The following SYNJ2 variants were observed in gnomAD, a reference collection of about 807,000 sequenced individuals.
SYNJ2 encodes the protein synaptojanin 2.
Under a neutral mutation model 141.3 loss-of-function variants are expected in SYNJ2, and 116 were observed. That is an observed-to-expected ratio of 0.82 (90% CI 0.71 to 0.96). SYNJ2 has a LOEUF of 0.96. SYNJ2 is among the 40% of genes least tolerant of loss of function. SYNJ2 has a pLI of 0.00. For missense variants in SYNJ2, 1,873 were observed against 1,934.8 expected, an observed-to-expected ratio of 0.97 and a Z score of 0.60; for synonymous variants, 745 against 777.7, an observed-to-expected ratio of 0.96 and a Z score of 0.70.
chr6:158,079,783 C>A (rs1782557617), intron 18 of SYNJ2, among the ~76,000 whole-genome samples: 1 of 152,074 alleles, frequency 6.6e-6, no homozygotes, highest in African/African-American at 2.4e-5. Context: ...TATTTTGAAA[C>A]CTTAATTTAA....
chr6:157,987,954 C>T (rs563366115), intron 1 of SYNJ2, among the ~76,000 whole-genome samples: 3 of 152,200 alleles, frequency 2.0e-5, no homozygotes, highest in Non-Finnish European at 4.4e-5. Context: ...CTGGTGAGCT[C>T]GGGAGGACAA....
rs183277758 is a variant in SYNJ2 at position 158,049,894 on chromosome 6, G to A, written c.796-5073G>A. Among the ~76,000 whole-genome samples the A allele has an allele frequency of 2.8e-3, 432 of 151,782 alleles. 8 individuals are homozygous for A. The highest frequency in any genetic ancestry group is 9.6e-4 in the Non-Finnish European group (65 of 67,872). ...GACATGGCTCTGCAGGTATGCCTGCGGCTCTGCAGGTATGCATGTGGCTCT... is the reference window on the plus strand; with the variant it reads ...GACATGGCTCTGCAGGTATGCCTGCAGCTCTGCAGGTATGCATGTGGCTCT... On this transcript the variant is annotated intron_variant, in intron 5 of 26. Coordinates refer to ENST00000355585, the MANE Select transcript of SYNJ2 (RefSeq NM_003898.4).
intron 21 of SYNJ2, 108 bp from the exon 22 acceptor site, chr6:158,083,893 G>A: frequency 7.7e-7 from 1 of 1,304,870 alleles, no homozygotes. Context: ...GAGCTGCAGG[G>A]CAGGGTGCAC....
At chr6:158,005,313 G>A (rs1481372352) in intron 1 of SYNJ2, among the ~76,000 whole-genome samples, 10 of 152,050 alleles carry the variant, frequency 6.6e-5, no homozygotes, top group East Asian at 1.9e-4. Flanking sequence ...TCCTGACCTC[G>A]TGATCCACCC....
intron 1 of SYNJ2, among the ~76,000 whole-genome samples, chr6:157,988,762 A>G (rs533473615): frequency 6.6e-6 from 1 of 152,342 alleles, no homozygotes; most frequent in East Asian, 1.9e-4. Flanking sequence ...ATTTCTGGGC[A>G]GGGCTTGTTG....
At chr6:158,076,576 T>C in intron 16 of SYNJ2, 50 bp from the exon 17 acceptor site, 1 of 1,577,616 alleles carries the variant, frequency 6.3e-7, no homozygotes, top group South Asian at 1.1e-5. Context: ...GTATATAACA[T>C]TCAGGATCGA....
intron 1 of SYNJ2, among the ~76,000 whole-genome samples, chr6:158,000,860 G>A (rs758779062): frequency 2.6e-5 from 4 of 152,118 alleles, no homozygotes; most frequent in African/African-American, 7.2e-5. Context: ...TCCCTGTCTC[G>A]TGGTGCTCCT....
At chr6:158,076,823 A>C (rs1168141722) in intron 17 of SYNJ2, 41 bp downstream of exon 17, 1 of 1,575,928 alleles carries the variant, frequency 6.3e-7, no homozygotes, top group South Asian at 1.1e-5. Flanking sequence ...CAGAGGGTGA[A>C]TAAGAAATGC....
At chr6:158,083,312 C>A in intron 20 of SYNJ2, 117 bp from the exon 21 acceptor site, 1 of 1,275,898 alleles carries the variant, frequency 7.8e-7, no homozygotes, top group Non-Finnish European at 1.1e-6. Flanking sequence ...TTTTTCAGGG[C>A]CAAATGTGAA....
Position 158,070,071 on chromosome 6 carries a change from TG to T in SYNJ2, c.1940+401del, listed in dbSNP as rs1334530088. On this transcript the variant is annotated intron_variant, in intron 14 of 26. Transcript: ENST00000355585. The surrounding 1 kb of genome is among the most constrained non-coding windows in gnomAD (Gnocchi z 4.0). ...TTAAAAGAATTCTAAGTAGAACGTG[TG>T]GGCCTCTACAACTGTGACCTCATTG... is the stretch of plus-strand genomic sequence containing the variant. 1.2e-6 allele frequency: 1 copy of T among 838,804 alleles called. No individual in the cohort carries two copies. Among genetic ancestry groups the T allele is most frequent in the Non-Finnish European group, 1.4e-6 (1 of 694,684 alleles). 52.0% of individuals were successfully genotyped at this position (838,804 alleles called of 1,614,324 possible).
intron 25 of SYNJ2, among the ~76,000 whole-genome samples, chr6:158,090,700 A>G (rs1308454375): frequency 1.3e-5 from 2 of 151,754 alleles, no homozygotes; most frequent in East Asian, 3.9e-4. Flanking sequence ...GCGCAGCCCC[A>G]TGATGAGCCA....
At chr6:157,993,314 A>G (rs904695762) in intron 1 of SYNJ2, among the ~76,000 whole-genome samples, 1 of 152,238 alleles carries the variant, frequency 6.6e-6, no homozygotes, top group Non-Finnish European at 1.5e-5. Flanking sequence ...ATGCCTGTTT[A>G]CCATTTGTAT....
Position 157,981,909 on chromosome 6 carries a change from G to A in SYNJ2, c.-53G>A, listed in dbSNP as rs1341802443. 2 of 1,217,684 alleles carry A rather than the reference G, an allele frequency of 1.6e-6. No individual in the cohort carries two copies. Among genetic ancestry groups the A allele is most frequent in the South Asian group, 4.1e-5 (1 of 24,192 alleles). The allele number at this position is 1,217,684 out of a possible 1,614,324, so 75.4% of individuals were successfully genotyped here. On this transcript the variant is annotated 5_prime_UTR_variant, in exon 1 of 27. Coordinates refer to ENST00000355585, the MANE Select transcript of SYNJ2 (RefSeq NM_003898.4). This position sits in a 1 kb window ranked among gnomAD's most constrained non-coding sequence, Gnocchi z 6.4. ...CGCGCGGGGAGCTGTCGCGGGCAGC[G>A]CGCCCTCGGGAGGACGTGGCCCCGG... is the stretch of plus-strand genomic sequence containing the variant.
intron 2 of SYNJ2, among the ~76,000 whole-genome samples, chr6:158,023,239 C>T (rs1778867220): frequency 7.0e-6 from 1 of 143,470 alleles, no homozygotes; most frequent in Admixed American, 7.0e-5. Flanking sequence ...GCCTGGGTGA[C>T]AGTGCAAGAA....
intron 1 of SYNJ2, among the ~76,000 whole-genome samples, chr6:158,013,209 C>T (rs1036628320): frequency 2.0e-5 from 3 of 152,106 alleles, no homozygotes; most frequent in Non-Finnish European, 4.4e-5. Context: ...GGCGAAATGC[C>T]GTCCCTACTA....
chr6:158,022,130 C>T (rs1358792631), intron 2 of SYNJ2, among the ~76,000 whole-genome samples: 1 of 152,190 alleles, frequency 6.6e-6, no homozygotes, highest in African/African-American at 2.4e-5. Context: ...GGGGGAGGCT[C>T]AAGGGTCATC....
At chr6:158,065,195 C>G (rs965024817) in intron 11 of SYNJ2, among the ~76,000 whole-genome samples, 1 of 152,194 alleles carries the variant, frequency 6.6e-6, no homozygotes, top group East Asian at 1.9e-4. Context: ...TCCTCTGTCT[C>G]GGCTTGGACT....
At position 158,023,398 on chromosome 6, in the gene SYNJ2, G is replaced by A. The variant is rs1778880159; in HGVS notation, c.215-5358G>A. Among the ~76,000 whole-genome samples the A allele has an allele frequency of 2.0e-5, 3 of 152,274 alleles. No individual in the cohort carries two copies. In the South Asian group the frequency reaches 6.2e-4, roughly 32 times the overall value. On this transcript the variant is annotated intron_variant, in intron 2 of 26. Coordinates refer to ENST00000355585, the MANE Select transcript of SYNJ2 (RefSeq NM_003898.4). ...GAAGGAGGAGGAAGCCATCAGTGCT[G>A]GGTCAGGTAGGCAGGGCGGGGCCTT...
intron 1 of SYNJ2, among the ~76,000 whole-genome samples, chr6:158,006,896 C>T (rs559765436): frequency 1.8e-3 from 25 of 14,098 alleles, no homozygotes; most frequent in Non-Finnish European, 2.5e-3. Context: ...TGGTCTCGAA[C>T]TCCTAAACCT....
Sources: allele counts gnomAD v4.1 joint callset (sites outside exome capture counted in the v4.1 genomes callset), GRCh38; gene constraint gnomAD v4.1.1; non-coding constraint Gnocchi (gnomAD v3.1); transcripts MANE v1.5; gene names NCBI Gene and HGNC (gene_info 2026-07-23, HGNC 2026-07-21).